NRCAM: variants seen among roughly 807,000 people sequenced by gnomAD.
NRCAM encodes the protein NgCAM-related cell adhesion molecule.
NRCAM carries 83 observed loss-of-function variants against 156.5 expected under a neutral mutation model. The ratio of observed to expected loss-of-function variants is 0.53; its 90% CI spans 0.44 to 0.64. The LOEUF is 0.64. Among genes scored for constraint, NRCAM ranks in the 30% least tolerant of loss-of-function variants. NRCAM has a pLI of 0.00. For missense variants in NRCAM, 1,417 were observed against 1,597.3 expected (o/e 0.89, Z 1.92); for synonymous variants, 538 against 563.9 (o/e 0.95, Z 0.65).
chr7:108,331,405 C>A (rs1016148), intron 2 of NRCAM, among the ~76,000 whole-genome samples: 31,975 of 149,996 alleles, frequency 0.21, 3,839 homozygotes, highest in East Asian at 0.44. Context: ...TGTCTCTAAA[C>A]TTAAAAAAAA....
intron 24 of NRCAM, among the ~76,000 whole-genome samples, chr7:108,180,721 C>G (rs982052567): frequency 6.7e-6 from 1 of 149,904 alleles, no homozygotes; most frequent in African/African-American, 2.5e-5. Context: ...GAACATGAGG[C>G]AAATGGAGGA....
At chr7:108,152,467 C>T (rs1036886164) in intron 32 of NRCAM, among the ~76,000 whole-genome samples, 1 of 151,648 alleles carries the variant, frequency 6.6e-6, no homozygotes, top group Non-Finnish European at 1.5e-5. Context: ...GGGAGTGGCA[C>T]GGCTAAATCA....
intron 13 of NRCAM, among the ~76,000 whole-genome samples, chr7:108,202,423 T>C (rs946660226): frequency 6.6e-6 from 1 of 152,240 alleles, no homozygotes; most frequent in African/African-American, 2.4e-5. Context: ...TATAGTATTT[T>C]ATGCATTTTG....
intron 2 of NRCAM, among the ~76,000 whole-genome samples, chr7:108,342,424 G>A (rs2099297290): frequency 6.6e-6 from 1 of 152,198 alleles, no homozygotes; most frequent in African/African-American, 2.4e-5. Context: ...TGGCATACCA[G>A]GCTTCTGCCG....
intron 1 of NRCAM, among the ~76,000 whole-genome samples, chr7:108,449,509 C>T (rs1402001713): frequency 2.0e-5 from 3 of 152,156 alleles, no homozygotes; most frequent in Non-Finnish European, 4.4e-5. Flanking sequence ...AAGGCAGCAG[C>T]GGACTCGCTC....
upstream of NRCAM, chr7:108,456,600 G>A (rs569841078): frequency 4.6e-3 from 696 of 152,328 alleles, 4 homozygotes; most frequent in East Asian, 0.02. Flanking sequence ...ACCCCCTCTT[G>A]CCCTGCTGCT....
intron 3 of NRCAM, among the ~76,000 whole-genome samples, chr7:108,295,312 A>C (rs1219467199): frequency 1.3e-5 from 2 of 152,184 alleles, no homozygotes; most frequent in East Asian, 3.9e-4. Flanking sequence ...CAGCTAAGTT[A>C]CTTCTCCATT....
chr7:108,197,868 G>A, intron 14 of NRCAM, 88 bp downstream of exon 14: 1 of 982,162 alleles, frequency 1.0e-6, no homozygotes, highest in Non-Finnish European at 1.5e-6. Flanking sequence ...GCACATAGTA[G>A]ATGCTCAATA....
intron 1 of NRCAM, among the ~76,000 whole-genome samples, chr7:108,450,721 G>C (rs1849325362): frequency 6.6e-6 from 1 of 152,140 alleles, no homozygotes. Context: ...TACCATGAAT[G>C]TATGCCATCA....
At chr7:108,254,551 C>CTTTTTTTTTTTTTT (rs71137620) in intron 3 of NRCAM, among the ~76,000 whole-genome samples, 1 of 130,334 alleles carries the variant, frequency 7.7e-6, no homozygotes, top group Non-Finnish European at 1.6e-5. Flanking sequence ...AACAATTTTG[C>CTTTTTTTTTTTTTT]TTTTTTTTTT....
intron 2 of NRCAM, among the ~76,000 whole-genome samples, chr7:108,349,729 A>T (rs1338821489): frequency 1.3e-5 from 2 of 152,106 alleles, no homozygotes; most frequent in Non-Finnish European, 2.9e-5. Flanking sequence ...TCACAATATG[A>T]CGTTTCTTAC....
chr7:108,311,915 T>C (rs2098808693), intron 3 of NRCAM, among the ~76,000 whole-genome samples: 1 of 152,206 alleles, frequency 6.6e-6, no homozygotes, highest in African/African-American at 2.4e-5. Flanking sequence ...GTCTGAACAA[T>C]CGTGCTCTCA....
intron 2 of NRCAM, among the ~76,000 whole-genome samples, chr7:108,352,472 G>A (rs775184588): frequency 1.1e-4 from 17 of 152,150 alleles, no homozygotes; most frequent in Non-Finnish European, 1.2e-4. Flanking sequence ...AAGTAAATAC[G>A]GAGTATCAGG....
chr7:108,401,779 C>T (rs1039823997), intron 1 of NRCAM, among the ~76,000 whole-genome samples: 1 of 152,278 alleles, frequency 6.6e-6, no homozygotes, highest in East Asian at 1.9e-4. Context: ...CCCGACCATG[C>T]GTTGCCTCAA....
At chr7:108,242,083 G>A (rs2095566426) in intron 3 of NRCAM, among the ~76,000 whole-genome samples, 1 of 151,820 alleles carries the variant, frequency 6.6e-6, no homozygotes, top group Admixed American at 6.6e-5. Context: ...AGACCAGCCT[G>A]GCTAACATGG....
At chr7:108,327,919 C>A (rs904489352) in intron 2 of NRCAM, among the ~76,000 whole-genome samples, 3 of 151,942 alleles carry the variant, frequency 2.0e-5, no homozygotes, top group Non-Finnish European at 4.4e-5. Context: ...ATCAGGCATG[C>A]AGAAAATAAG....
At chr7:108,190,887 C>A (rs1050852844) in intron 19 of NRCAM, among the ~76,000 whole-genome samples, 2 of 104,220 alleles carry the variant, frequency 1.9e-5, no homozygotes, top group Admixed American at 1.2e-4. Context: ...GAGATGAAAG[C>A]CTAATTTGTA....
At chr7:108,442,343 C>T (rs1427164174) in intron 1 of NRCAM, among the ~76,000 whole-genome samples, 3 of 152,076 alleles carry the variant, frequency 2.0e-5, no homozygotes, top group Admixed American at 2.0e-4. Context: ...CATGCATATT[C>T]GTGATTGGCC....
At chr7:108,437,052 T>C (rs181296775) in intron 1 of NRCAM, among the ~76,000 whole-genome samples, 93 of 152,336 alleles carry the variant, frequency 6.1e-4, no homozygotes, top group Admixed American at 1.7e-3. Context: ...TAAAAAAATG[T>C]TGTACTCATA....
Sources: allele counts gnomAD v4.1 joint callset (sites outside exome capture counted in the v4.1 genomes callset), GRCh38; gene constraint gnomAD v4.1.1; transcripts MANE v1.5; gene names NCBI Gene and HGNC (gene_info 2026-07-23, HGNC 2026-07-21).